The following BCL7C variants were observed in gnomAD, a reference collection of about 807,000 sequenced individuals.
BCL7C encodes the protein BAF chromatin remodeling complex subunit BCL7C.
Under a neutral mutation model 26.2 loss-of-function variants are expected in BCL7C, and 8 were observed. That is an observed-to-expected ratio of 0.30 (90% CI 0.18 to 0.55). BCL7C has a LOEUF of 0.55. Among genes scored for constraint, BCL7C ranks in the 20% least tolerant of loss-of-function variants. The probability of loss-of-function intolerance (pLI) is 0.93; values close to 1 mark genes in which losing one functional copy is unlikely to be tolerated. For missense variants in BCL7C, 262 were observed against 298.5 expected (o/e 0.88, Z 0.90); for synonymous variants, 90 against 116.5 (o/e 0.77, Z 1.47).
At chr16:30,869,505 CTT>C (rs2054864405) in intron 5 of BCL7C, among the ~76,000 whole-genome samples, 1 of 109,222 alleles carries the variant, frequency 9.2e-6, no homozygotes, top group Non-Finnish European at 1.8e-5. Context: ...ACGCCTGGCT[CTT>C]TCTTTTTTTT....
At chr16:30,838,599 A>G (rs757467073) in intron 5 of BCL7C, among the ~76,000 whole-genome samples, 1 of 152,192 alleles carries the variant, frequency 6.6e-6, no homozygotes, top group Non-Finnish European at 1.5e-5. Flanking sequence ...CCTGGCCAAC[A>G]TGGCGATACC....
intron 4 of BCL7C, among the ~76,000 whole-genome samples, chr16:30,889,925 C>CAAAA (rs1182126462): frequency 1.9e-5 from 1 of 53,268 alleles, no homozygotes; most frequent in Non-Finnish European, 4.1e-5. Context: ...GACCTTGTCT[C>CAAAA]AAAAAAAAAA....
At chr16:30,885,997 G>A (rs2055128229), downstream of BCL7C, among the ~76,000 whole-genome samples, 2 of 151,982 alleles carry the variant, frequency 1.3e-5, no homozygotes, top group Admixed American at 1.3e-4. Context: ...GACTACAGGC[G>A]CGCACCAGTA....
At chr16:30,847,401 G>T (rs1173919227) in intron 5 of BCL7C, among the ~76,000 whole-genome samples, 1 of 152,142 alleles carries the variant, frequency 6.6e-6, no homozygotes, top group Non-Finnish European at 1.5e-5. Flanking sequence ...GTCTGAAAAG[G>T]CTGTGATAAC....
chr16:30,841,985 G>A (rs1032578718), intron 5 of BCL7C, among the ~76,000 whole-genome samples: 5 of 102,230 alleles, frequency 4.9e-5, no homozygotes, highest in African/African-American at 7.2e-5. Flanking sequence ...AAAGCTCAGG[G>A]CCCTTGTCCA....
At chr16:30,851,854 GTCACACATCACA>G in intron 5 of BCL7C, 1 of 253,250 alleles carries the variant, frequency 3.9e-6, no homozygotes, top group South Asian at 9.8e-5. Flanking sequence ...TCGACTTTTT[GTCACACATCACA>G]ATCTGATCAA....
At chr16:30,860,434 G>C (rs4889536) in intron 5 of BCL7C, among the ~76,000 whole-genome samples, 1 of 151,904 alleles carries the variant, frequency 6.6e-6, no homozygotes, top group Non-Finnish European at 1.5e-5. Context: ...CCTCCTTTGC[G>C]ATGGGCAAGC....
chr16:30,887,674 G>C, downstream of BCL7C: 2 of 901,034 alleles, frequency 2.2e-6, no homozygotes, highest in Non-Finnish European at 3.2e-6. Context: ...TCTGCCTTGT[G>C]GTGTCACTAC....
Position 30,857,154 on chromosome 16 carries a change from C to T in BCL7C, c.529-22006G>A, listed in dbSNP as rs185828691. 2.3e-3 allele frequency among the ~76,000 whole-genome samples: 347 copies of T among 151,942 alleles called. 6 individuals carry two copies. The highest frequency in any genetic ancestry group is 5.9e-4 in the Non-Finnish European group (40 of 67,958). On this transcript the variant is annotated intron_variant, in intron 5 of 5. Transcript: ENST00000380317. ...CTGTAATCCCAGCACTTTGGGAGGCCGAGGCGGGCAGATCACATGAGGTCA... is the reference window on the plus strand; with the variant it reads ...CTGTAATCCCAGCACTTTGGGAGGCTGAGGCGGGCAGATCACATGAGGTCA...
chr16:30,850,254 C>G (rs1239476598), intron 5 of BCL7C, among the ~76,000 whole-genome samples: 1 of 151,662 alleles, frequency 6.6e-6, no homozygotes, highest in Non-Finnish European at 1.5e-5. Context: ...AAGAAATATG[C>G]CTTCCAAATT....
At chr16:30,860,950 G>T (rs547595512) in intron 5 of BCL7C, among the ~76,000 whole-genome samples, 1 of 151,858 alleles carries the variant, frequency 6.6e-6, no homozygotes, top group East Asian at 1.9e-4. Flanking sequence ...CCTCACACCC[G>T]GTCCGGCTTA....
chr16:30,868,475 T>A (rs1350958766), intron 5 of BCL7C, among the ~76,000 whole-genome samples: 3 of 150,350 alleles, frequency 2.0e-5, no homozygotes, highest in African/African-American at 7.3e-5. Context: ...TTGCTGTAAT[T>A]TGTTACAGCT....
downstream of BCL7C, among the ~76,000 whole-genome samples, chr16:30,886,481 G>T (rs758522254): frequency 1.3e-5 from 2 of 152,132 alleles, no homozygotes; most frequent in Non-Finnish European, 2.9e-5. Context: ...CCTCAGAGAA[G>T]CCTGCCTGGA....
intron 5 of BCL7C, among the ~76,000 whole-genome samples, chr16:30,842,983 G>C (rs943867639): frequency 1.3e-5 from 2 of 152,156 alleles, no homozygotes; most frequent in African/African-American, 4.8e-5. Flanking sequence ...ATTGAAGTCT[G>C]TTTTTTAAAA....
chr16:30,848,000 G>A (rs926534954), intron 5 of BCL7C, among the ~76,000 whole-genome samples: 3 of 151,788 alleles, frequency 2.0e-5, no homozygotes, highest in African/African-American at 7.3e-5. Context: ...TACTAGATAA[G>A]GCCAAATTCA....
Position 30,846,288 on chromosome 16 carries a change from C to T in BCL7C, c.529-11140G>A, listed in dbSNP as rs370275254. Among the ~76,000 whole-genome samples the T allele has an allele frequency of 3.3e-4, 50 of 150,114 alleles. No homozygotes were observed. In the South Asian group the frequency reaches 8.7e-3, roughly 26 times the overall value. ...TGGCCCAGGCTGGAGTGCAGTGGCG[C>T]GATCTCAGCTCACTGCAAGCTCCGC... On this transcript the variant is annotated intron_variant, in intron 5 of 5. Transcript: ENST00000380317.
chr16:30,886,827 G>A (rs866092763), downstream of BCL7C, among the ~76,000 whole-genome samples: 4 of 152,304 alleles, frequency 2.6e-5, no homozygotes, highest in African/African-American at 7.2e-5. Context: ...CAGGGAATGG[G>A]TTGGTCATCC....
At chr16:30,858,401 G>A (rs1171313414) in intron 5 of BCL7C, among the ~76,000 whole-genome samples, 1 of 152,172 alleles carries the variant, frequency 6.6e-6, no homozygotes, top group Non-Finnish European at 1.5e-5. Flanking sequence ...CTTGGGGAGA[G>A]GGAATATCCA....
chr16:30,868,576 G>A (rs1054015858), intron 5 of BCL7C, among the ~76,000 whole-genome samples: 5 of 151,532 alleles, frequency 3.3e-5, no homozygotes, highest in African/African-American at 4.8e-5. Flanking sequence ...ACCTGAGGTC[G>A]GGAGTTCGAG....
Sources: allele counts gnomAD v4.1 joint callset (sites outside exome capture counted in the v4.1 genomes callset), GRCh38; gene constraint gnomAD v4.1.1; transcripts MANE v1.5; gene names NCBI Gene and HGNC (gene_info 2026-07-23, HGNC 2026-07-21).